The following N4BP2 variants were observed in gnomAD, a reference collection of about 807,000 sequenced individuals.
N4BP2 encodes NEDD4-binding protein 2.
A neutral mutation model predicts 152.8 loss-of-function variants in N4BP2; 91 were observed. That is an observed-to-expected ratio of 0.60 (90% CI 0.50 to 0.71). The LOEUF (loss-of-function observed/expected upper bound fraction) is 0.71. Among genes scored for constraint, N4BP2 ranks in the 30% least tolerant of loss-of-function variants. N4BP2 has a pLI of 0.00. For missense variants in N4BP2, 1,923 were observed against 2,059.1 expected, an observed-to-expected ratio of 0.93 and a Z score of 1.28; for synonymous variants, 646 against 705.3, an observed-to-expected ratio of 0.92 and a Z score of 1.33.
intron 16 of N4BP2, among the ~76,000 whole-genome samples, chr4:40,145,562 C>T (rs951486086): frequency 1.3e-5 from 2 of 151,946 alleles, no homozygotes; most frequent in African/African-American, 4.8e-5. Flanking sequence ...ATCTAGAAAA[C>T]AGTAAAGATT....
intron 4 of N4BP2, among the ~76,000 whole-genome samples, chr4:40,106,278 A>G (rs1716273687): frequency 6.6e-6 from 1 of 152,076 alleles, no homozygotes; most frequent in East Asian, 1.9e-4. Flanking sequence ...TTTTAGTATG[A>G]TTTGTTTGAA....
At chr4:40,098,689 T>C (rs1715326827) in intron 3 of N4BP2, among the ~76,000 whole-genome samples, 1 of 152,212 alleles carries the variant, frequency 6.6e-6, no homozygotes, top group African/African-American at 2.4e-5. Flanking sequence ...GACAGTATAT[T>C]GAGTTTTGTA....
At chr4:40,077,563 C>T (rs751415669) in intron 2 of N4BP2, among the ~76,000 whole-genome samples, 2 of 151,896 alleles carry the variant, frequency 1.3e-5, no homozygotes, top group Admixed American at 6.6e-5. Context: ...AAGCGATTCT[C>T]CTGCCTCAGC....
intron 11 of N4BP2, among the ~76,000 whole-genome samples, chr4:40,125,181 G>C (rs1380825722): frequency 1.3e-5 from 2 of 152,202 alleles, no homozygotes; most frequent in Non-Finnish European, 2.9e-5. Flanking sequence ...AGCTACAGCT[G>C]ATGTAGGGAT....
At chr4:40,096,601 T>C (rs1223283884) in intron 2 of N4BP2, among the ~76,000 whole-genome samples, 1 of 152,110 alleles carries the variant, frequency 6.6e-6, no homozygotes, top group Non-Finnish European at 1.5e-5. Flanking sequence ...CTGGCTTTGG[T>C]GCTAAATAGA....
chr4:40,090,709 G>A (rs1714444556), intron 2 of N4BP2, among the ~76,000 whole-genome samples: 1 of 152,046 alleles, frequency 6.6e-6, no homozygotes, highest in South Asian at 2.1e-4. Context: ...GAGGCAGGCC[G>A]ATCACCTGAG....
At chr4:40,117,786 T>C (rs1010078129) in intron 7 of N4BP2, 83 bp from the exon 8 acceptor site, 7 of 1,169,690 alleles carry the variant, frequency 6.0e-6, no homozygotes, top group East Asian at 2.5e-5. Context: ...AAATATATTA[T>C]TGTTTTCCTA....
At chr4:40,082,999 CG>C in intron 2 of N4BP2, 1 of 249,344 alleles carries the variant, frequency 4.0e-6, no homozygotes, top group South Asian at 4.9e-5. Context: ...CGCACCCGGC[CG>C]GGCTGTATTC....
At chr4:40,101,754 C>A (rs572875569) in intron 3 of N4BP2, among the ~76,000 whole-genome samples, 1 of 152,046 alleles carries the variant, frequency 6.6e-6, no homozygotes, top group Admixed American at 6.6e-5. Flanking sequence ...TATAAATAAG[C>A]CTAATATGTC....
the N4BP2 span, among the ~76,000 whole-genome samples, chr4:40,182,614 T>A: frequency 6.6e-6 from 1 of 151,870 alleles, no homozygotes; most frequent in Non-Finnish European, 1.5e-5. Context: ...CATGCCGGGC[T>A]AAAATTTTTT....
intron 2 of N4BP2, among the ~76,000 whole-genome samples, chr4:40,081,845 G>A (rs982093854): frequency 1.3e-5 from 2 of 152,054 alleles, no homozygotes; most frequent in African/African-American, 2.4e-5. Flanking sequence ...GGGTGCTGTG[G>A]CTCACGCCTG....
intron 3 of N4BP2, among the ~76,000 whole-genome samples, chr4:40,100,666 C>T (rs1221820371): frequency 6.6e-6 from 1 of 152,306 alleles, no homozygotes; most frequent in East Asian, 1.9e-4. Context: ...GCTGCCACAC[C>T]TGGCCTTAAA....
At chr4:40,163,774 T>C in the N4BP2 span, among the ~76,000 whole-genome samples, 2 of 152,252 alleles carry the variant, frequency 1.3e-5, no homozygotes, top group African/African-American at 4.8e-5. Context: ...GGCCTTGTTA[T>C]GAGAGACAAT....
chr4:40,063,904 C>G (rs1001776139), intron 1 of N4BP2, among the ~76,000 whole-genome samples: 2 of 152,042 alleles, frequency 1.3e-5, no homozygotes, highest in Non-Finnish European at 1.5e-5. Context: ...ATCAGCCTCC[C>G]AAAGTGCTGG....
intron 3 of N4BP2, chr4:40,100,090 T>A (rs1237581869): frequency 2.2e-6 from 1 of 456,266 alleles, no homozygotes; most frequent in Admixed American, 2.3e-5. Context: ...CACTTTTTCA[T>A]GGATTATCTC....
chr4:40,152,727 A>G (rs900309713), intron 16 of N4BP2, 53 bp from the exon 17 acceptor site: 1 of 1,599,662 alleles, frequency 6.3e-7, no homozygotes, highest in Non-Finnish European at 8.5e-7. Context: ...TACGTTTTCT[A>G]TTGAGAATGT....
At chr4:40,144,012 C>T (rs1720284635) in intron 15 of N4BP2, among the ~76,000 whole-genome samples, 1 of 152,042 alleles carries the variant, frequency 6.6e-6, no homozygotes, top group East Asian at 1.9e-4. Flanking sequence ...AGTTCAAAGC[C>T]TCAGAACCAG....
chr4:40,058,697 T>G (rs1249253550), intron 1 of N4BP2, among the ~76,000 whole-genome samples: 2 of 152,144 alleles, frequency 1.3e-5, no homozygotes, highest in Non-Finnish European at 2.9e-5. Context: ...TTTTCCTTCA[T>G]TAAAGTATAT....
At position 40,103,236 on chromosome 4, in the gene N4BP2, G is replaced by A; in HGVS notation, c.1373+18G>A. The stretch of plus-strand genomic sequence containing the variant: ...TTGGCAAGGTATGAGGTTTGATTGG[G>A]TTTTTAAAAAATAGTATAATGTCTG... On this transcript the variant is annotated intron_variant, in intron 4 of 17. Coordinates refer to ENST00000261435, the MANE Select transcript of N4BP2 (RefSeq NM_018177.6). 6.4e-7 allele frequency: 1 copy of A among 1,566,768 alleles called. No individual in the cohort carries two copies. The highest frequency in any genetic ancestry group is 8.6e-7 in the Non-Finnish European group (1 of 1,160,636).
Sources: allele counts gnomAD v4.1 joint callset (sites outside exome capture counted in the v4.1 genomes callset), GRCh38; gene constraint gnomAD v4.1.1; transcripts MANE v1.5; gene names NCBI Gene and HGNC (gene_info 2026-07-23, HGNC 2026-07-21).